The following TRPM5 variants were observed in gnomAD, a reference collection of about 807,000 sequenced individuals.
TRPM5 encodes transient receptor potential cation channel subfamily M member 5.
A neutral mutation model predicts 124.9 loss-of-function variants in TRPM5; 121 were observed. That is an observed-to-expected ratio of 0.97 (90% CI 0.84 to 1.13). TRPM5 has a LOEUF of 1.13. Ranked by LOEUF, TRPM5 falls within the 50% of genes most tolerant of loss-of-function variation. The pLI, the probability that TRPM5 is intolerant of heterozygous loss-of-function variation, is 0.00. For missense variants in TRPM5, 1,643 were observed against 1,589.1 expected (o/e 1.03, Z -0.58); for synonymous variants, 781 against 700.5 (o/e 1.11, Z -1.81).
At chr11:2,407,791 C>G (rs751082582) in exon 19 of TRPM5, 1 of 1,613,908 alleles carries the variant, frequency 6.2e-7, no homozygotes, top group Non-Finnish European at 8.5e-7. Context: ...TCATGAGCAG[C>G]ACATTGGTGA....
intron 22 of TRPM5, among the ~76,000 whole-genome samples, 186 bp from the exon 28 acceptor site, chr11:2,405,779 G>A (rs912941584): frequency 1.3e-5 from 2 of 152,262 alleles, no homozygotes; most frequent in Admixed American, 1.3e-4. Flanking sequence ...AAAGGCGAGG[G>A]GTCTTCAATG....
At chr11:2,435,533 A>C in the TRPM5 span, among the ~76,000 whole-genome samples, 2 of 151,646 alleles carry the variant, frequency 1.3e-5, no homozygotes, top group East Asian at 3.9e-4. This position sits in a 1 kb window ranked among gnomAD's most constrained non-coding sequence, Gnocchi z 4.1. Flanking sequence ...CTGTCCATCC[A>C]TCCACCCGTC....
rs189104414 is a variant in TRPM5, at chr11:2,413,293, G to C, written c.2004-67C>G. 109 of 1,444,150 alleles carry C rather than the reference G, an allele frequency of 7.5e-5. No individual in the cohort carries two copies. The African/African-American group carries it at 1.5e-3, about 20-fold the overall frequency. The allele number at this position is 1,444,150 out of a possible 1,614,324, so 89.5% of individuals were successfully genotyped here. Reference sequence around the variant, plus strand: ...CAGAGGCGCCTGCCTGGCTCCAGGCGCTTGGCCATCAAAGTGCCCACTGGG... The same window carrying C: ...CAGAGGCGCCTGCCTGGCTCCAGGCCCTTGGCCATCAAAGTGCCCACTGGG... On this transcript the variant is annotated intron_variant, in intron 13 of 23. Coordinates refer to ENST00000155858, the Ensembl canonical transcript of TRPM5.
At chr11:2,412,386 A>G in intron 15 of TRPM5, 133 bp from the exon 21 acceptor site, 1 of 724,252 alleles carries the variant, frequency 1.4e-6, no homozygotes, top group Non-Finnish European at 2.4e-6. Context: ...CAGTGGGACT[A>G]GGGGTCCACT....
intron 4 of TRPM5, 103 bp from the exon 10 acceptor site, chr11:2,418,694 T>G: frequency 8.2e-7 from 1 of 1,216,168 alleles, no homozygotes. Context: ...AAGCTGGCTC[T>G]TCCGAATAAA....
Position 2,418,587 on chromosome 11 carries a change from A to T in TRPM5, c.654T>A (p.Thr218=), listed in dbSNP as rs114287073. ...AGAGGACAGGGATCTCGATGCTGCCAGTGCCTGTGGACAGGGCACCCGTGA... is the reference window on the plus strand; with the variant it reads ...AGAGGACAGGGATCTCGATGCTGCCTGTGCCTGTGGACAGGGCACCCGTGA... Residue 218 remains threonine (T), a synonymous_variant, in exon 5 of 24, where the codon ACT becomes ACA. Coordinates refer to ENST00000155858, the Ensembl canonical transcript of TRPM5. 3,749 of 1,611,036 alleles carry T rather than the reference A, an allele frequency of 2.3e-3. 86 individuals are homozygous for T. The African/African-American group carries it at 0.045, about 19-fold the overall frequency.
the TRPM5 span, among the ~76,000 whole-genome samples, chr11:2,431,899 T>TC: frequency 1.3e-5 from 2 of 152,212 alleles, no homozygotes; most frequent in Non-Finnish European, 2.9e-5. Context: ...GCCTGAGCAT[T>TC]CCCTGCCACC....
exon 4 of TRPM5, chr11:2,420,356 G>A: frequency 6.2e-7 from 1 of 1,612,786 alleles, no homozygotes; most frequent in Non-Finnish European, 8.5e-7. Context: ...TGAACAGAGG[G>A]GGCCCTGGCT....
chr11:2,414,306 C>A, intron 11 of TRPM5, 100 bp from the exon 17 acceptor site: 1 of 1,472,426 alleles, frequency 6.8e-7, no homozygotes, highest in Non-Finnish European at 9.1e-7. Context: ...GCTCTGCAGC[C>A]GCACCCTGCG....
chr11:2,415,898 G>T lies in TRPM5; in HGVS notation c.1128+8C>A, dbSNP rs932685089. ...ATGGGGAGGTGGGTAGGCAGGGCTG[G>T]GAGGCACCTTCCACTCCACGTCCCC... On this transcript the variant is annotated splice_region_variant and intron_variant, in intron 8 of 23. Transcript: ENST00000155858. 3.8e-6 allele frequency: 6 copies of T among 1,559,436 alleles called. No homozygotes were observed. The highest frequency in any genetic ancestry group is 1.4e-5 in the African/African-American group (1 of 73,800).
intron 4 of TRPM5, among the ~76,000 whole-genome samples, chr11:2,419,961 C>G (rs531502513): frequency 1.3e-5 from 2 of 152,312 alleles, no homozygotes; most frequent in South Asian, 2.1e-4. Context: ...TGCACCTGCT[C>G]TGGTGGGAAT....
At chr11:2,410,375 T>C (rs1025577879) in intron 18 of TRPM5, among the ~76,000 whole-genome samples, 1 of 152,076 alleles carries the variant, frequency 6.6e-6, no homozygotes, top group Non-Finnish European at 1.5e-5. Flanking sequence ...GGGCAGCACG[T>C]TGTGCCATGA....
exon 6 of TRPM5, chr11:2,418,296 G>C (rs370851537): frequency 1.0e-5 from 16 of 1,572,532 alleles, no homozygotes; most frequent in African/African-American, 2.7e-5. Context: ...GCACATCGGC[G>C]ATGCCCCCCG....
At position 2,407,085 on chromosome 11, in the gene TRPM5, TCACCCAGGTGCTCCCGCTTGTGCTC is replaced by T. The variant is rs1417772182; in HGVS notation, c.3118+9_3118+33del. The stretch of plus-strand genomic sequence containing the variant: ...CGCCCTGGGACCCGCCACCTCGGCC[TCACCCAGGTGCTCCCGCTTGTGCTC>T]GGCCTCACCCAGGTGCTCCCGCTTG... On this transcript the variant is annotated intron_variant, in intron 20 of 23. Transcript: ENST00000155858. The T allele has an allele frequency of 6.8e-6, 7 of 1,028,304 alleles. No individual in the cohort carries two copies. The East Asian group carries it at 2.1e-4, about 30-fold the overall frequency. 63.7% of individuals were successfully genotyped at this position (1,028,304 alleles called of 1,614,324 possible). A position where few individuals can be genotyped will look rare whatever the true frequency, so the allele number is the denominator to read the frequency against.
At chr11:2,414,412 A>C (rs1850522850) in intron 11 of TRPM5, among the ~76,000 whole-genome samples, 1 of 152,078 alleles carries the variant, frequency 6.6e-6, no homozygotes, top group Non-Finnish European at 1.5e-5. Context: ...TCCCTCCCCC[A>C]GCAGGACAAA....
At chr11:2,414,434 C>T (rs112206951) in intron 11 of TRPM5, among the ~76,000 whole-genome samples, 3 of 152,228 alleles carry the variant, frequency 2.0e-5, no homozygotes, top group African/African-American at 7.2e-5. Context: ...GGAACCTCTG[C>T]CACGCTAAAT....
At chr11:2,407,906 C>A in exon 19 of TRPM5, 1 of 1,613,384 alleles carries the variant, frequency 6.2e-7, no homozygotes. Context: ...GCAGTTCACA[C>A]GGGCTTCTGG....
At chr11:2,417,528 G>A (rs909641046) in intron 7 of TRPM5, among the ~76,000 whole-genome samples, 199 bp downstream of exon 12, 4 of 152,234 alleles carry the variant, frequency 2.6e-5, no homozygotes, top group Non-Finnish European at 5.9e-5. Flanking sequence ...AGAGCTTTAA[G>A]TATAGTTTTA....
intron 12 of TRPM5, among the ~76,000 whole-genome samples, chr11:2,413,789 T>A (rs1850505759): frequency 6.6e-6 from 1 of 152,176 alleles, no homozygotes. Context: ...TGAGCTGCTG[T>A]ACCCTTCACT....
Sources: gnomAD v4.1 joint callset for allele counts (sites outside exome capture counted in the v4.1 genomes callset) on GRCh38, gnomAD v4.1.1 for gene constraint, Gnocchi (gnomAD v3.1) non-coding constraint, MANE v1.5 for transcripts, NCBI Gene and HGNC (gene_info 2026-07-23, HGNC 2026-07-21) for gene names.